The following RAD52 variants were observed in gnomAD, a reference collection of about 807,000 sequenced individuals.
RAD52 encodes RAD52 DNA repair protein.
A neutral mutation model predicts 55.5 loss-of-function variants in RAD52; 47 were observed. That is an observed-to-expected ratio of 0.85 (90% confidence interval 0.67 to 1.08). The LOEUF is 1.08. Ranked by LOEUF, RAD52 falls within the 50% of genes least tolerant of loss-of-function variation. The pLI is 0.00. For synonymous variants in RAD52, 184 were observed against 198.9 expected (o/e 0.92, Z 0.63); for missense variants, 468 against 522.8 (o/e 0.90, Z 1.02).
At chr12:931,418 C>A (rs928692984) in intron 2 of RAD52, 97 bp from the exon 3 acceptor site, 10 of 853,070 alleles carry the variant, frequency 1.2e-5, no homozygotes, top group Middle Eastern at 2.5e-4. Context: ...CTTAAAAAGA[C>A]CCCCCAGAAC....
chr12:964,987 T>C (rs1958738681), intron 1 of RAD52, among the ~76,000 whole-genome samples: 1 of 146,506 alleles, frequency 6.8e-6, no homozygotes, highest in Non-Finnish European at 1.5e-5. Context: ...TCCTTTTTGA[T>C]GTTTTGTTTT....
intron 5 of RAD52, among the ~76,000 whole-genome samples, chr12:928,821 G>A (rs567053793): frequency 2.0e-5 from 3 of 152,182 alleles, no homozygotes; most frequent in Non-Finnish European, 4.4e-5. Flanking sequence ...TAAGTGCACT[G>A]AAAATTTACC....
chr12:970,997 T>C (rs1177240283), intron 1 of RAD52, among the ~76,000 whole-genome samples: 1 of 152,226 alleles, frequency 6.6e-6, no homozygotes, highest in Non-Finnish European at 1.5e-5. Context: ...TGTATGTATA[T>C]AGAAGTGGAT....
At position 914,532 on chromosome 12, in the gene RAD52, G is replaced by C; in HGVS notation, c.866C>G (p.Ala289Gly). ...VSTPSAEKSE[A>G]APPAPPVTHS... ...CGTCACAGGAGGGGCCGGAGGCGCT[G>C]CTACGGTTCACAGAGGAGAGAAAGG... is the stretch of plus-strand genomic sequence containing the variant. The change falls in exon 10 of 12, where the codon GCA becomes GGA. Residue 289 changes from alanine to glycine, a missense_variant and splice_region_variant. Coordinates refer to ENST00000358495, the MANE Select transcript of RAD52 (RefSeq NM_134424.4). The C allele has an allele frequency of 6.2e-7, 1 of 1,613,216 alleles. No homozygotes were observed. The highest frequency in any genetic ancestry group is 8.5e-7 in the Non-Finnish European group (1 of 1,179,836).
Position 931,269 on chromosome 12 carries a change from C to G in RAD52, c.137G>C (p.Arg46Thr). 6.2e-7 allele frequency: 1 copy of G among 1,612,636 alleles called. No individual in the cohort carries two copies. The highest frequency in any genetic ancestry group is 8.5e-7 in the Non-Finnish European group (1 of 1,179,566). ...GCTACTTATGTATTCTGGGCCCAGC[C>G]TCTGCCTCAGGGCCTTCTGGATGGC... The part of the protein sequence containing the change: ...YQAIQKALRQ[R>T]LGPEYISSRM... Residue 46 changes from arginine to threonine, a missense_variant, in exon 3 of 12, where the codon AGG (arginine) becomes ACG (threonine). Coordinates refer to ENST00000358495, the MANE Select transcript of RAD52 (RefSeq NM_134424.4).
chr12:941,930 C>G (rs1192748788), intron 1 of RAD52, among the ~76,000 whole-genome samples: 1 of 152,166 alleles, frequency 6.6e-6, no homozygotes, highest in African/African-American at 2.4e-5. Flanking sequence ...AGCCACTGCA[C>G]CCGGCCTAAA....
chr12:950,333 A>G (rs1958493038), upstream of RAD52, among the ~76,000 whole-genome samples: 1 of 152,046 alleles, frequency 6.6e-6, no homozygotes, highest in Non-Finnish European at 1.5e-5. Context: ...CCACTTTGGG[A>G]CGCCGAGGCG....
At chr12:926,753 C>CA in intron 6 of RAD52, 1 of 1,505,232 alleles carries the variant, frequency 6.6e-7, no homozygotes, top group South Asian at 1.2e-5. Context: ...AATGGACTAA[C>CA]ACGGACATCT....
chr12:969,417 T>C (rs1958811458), intron 1 of RAD52, among the ~76,000 whole-genome samples: 1 of 152,094 alleles, frequency 6.6e-6, no homozygotes, highest in African/African-American at 2.4e-5. Context: ...ATATAAATTA[T>C]ATGAAATAGA....
chr12:921,299 G>A (rs928081812), intron 7 of RAD52, among the ~76,000 whole-genome samples: 8 of 152,146 alleles, frequency 5.3e-5, no homozygotes, highest in Non-Finnish European at 1.2e-4. Context: ...AAAACAATAC[G>A]AAAAAGCTCA....
chr12:937,605 T>C (rs1048117714), intron 1 of RAD52, among the ~76,000 whole-genome samples: 4 of 152,164 alleles, frequency 2.6e-5, no homozygotes, highest in African/African-American at 9.7e-5. Context: ...TTTGTATTTT[T>C]AGTAGAGACG....
At chr12:973,730 C>G (rs1163604753) in intron 1 of RAD52, among the ~76,000 whole-genome samples, 1 of 150,502 alleles carries the variant, frequency 6.6e-6, no homozygotes, top group Non-Finnish European at 1.5e-5. Context: ...CTGCCCGCCT[C>G]GGCCTCCCAA....
intron 1 of RAD52, among the ~76,000 whole-genome samples, chr12:962,706 TTATC>T (rs1218649536): frequency 5.3e-5 from 8 of 151,412 alleles, no homozygotes; most frequent in Admixed American, 3.3e-4. Flanking sequence ...ATTTATTTAT[TTATC>T]TATCTATTTA....
chr12:917,715 C>CAA (rs35820418), intron 7 of RAD52, among the ~76,000 whole-genome samples: 2,653 of 103,862 alleles, frequency 0.026, 45 homozygotes, highest in African/African-American at 0.058. Flanking sequence ...TACAAAAATA[C>CAA]AAAAAAAAAA....
At chr12:965,973 T>C (rs574884862) in intron 1 of RAD52, among the ~76,000 whole-genome samples, 10 of 151,774 alleles carry the variant, frequency 6.6e-5, no homozygotes, top group Admixed American at 1.3e-4. Context: ...CATGAACCAC[T>C]GTGCCTGGCT....
intron 7 of RAD52, among the ~76,000 whole-genome samples, chr12:921,622 C>T (rs1956730718): frequency 6.6e-6 from 1 of 152,050 alleles, no homozygotes; most frequent in African/African-American, 2.4e-5. Flanking sequence ...GATGTCGAGG[C>T]TCCAGGGAGC....
At chr12:983,727 T>C (rs971431871) in intron 1 of RAD52, among the ~76,000 whole-genome samples, 1 of 152,158 alleles carries the variant, frequency 6.6e-6, no homozygotes, top group East Asian at 1.9e-4. Context: ...GCCGGCTGCA[T>C]CTTCTTGGAT....
chr12:927,278 G>A lies in RAD52; in HGVS notation c.349-15C>T, dbSNP rs763071456. On this transcript the variant is annotated splice_polypyrimidine_tract_variant and intron_variant, in intron 5 of 11. Transcript: ENST00000358495. ...TATGAACCATCCTGGGGGCAGAAAA[G>A]GAGTTTGAACTCAAACACGAGAGCG... is the stretch of plus-strand genomic sequence containing the variant. The A allele has an allele frequency of 1.3e-6, 2 of 1,595,418 alleles. No homozygotes were observed. Among genetic ancestry groups the A allele is most frequent in the South Asian group, 1.1e-5 (1 of 90,666 alleles).
At chr12:947,901 A>G (rs1438093083) in intron 1 of RAD52, among the ~76,000 whole-genome samples, 5 of 129,912 alleles carry the variant, frequency 3.8e-5, no homozygotes, top group Admixed American at 8.0e-5. Flanking sequence ...AAAAAAAAAA[A>G]ACAAAAAAAA....
Sources: gnomAD v4.1 joint callset for allele counts (sites outside exome capture counted in the v4.1 genomes callset) on GRCh38, gnomAD v4.1.1 for gene constraint, MANE v1.5 for transcripts, NCBI Gene and HGNC (gene_info 2026-07-23, HGNC 2026-07-21) for gene names.